The following LRRC4C variants were observed in gnomAD, a reference collection of about 807,000 sequenced individuals.
LRRC4C encodes the protein leucine-rich repeat-containing protein 4C.
Under a neutral mutation model 33.6 loss-of-function variants are expected in LRRC4C, and 5 were observed. The observed-to-expected ratio is 0.15, with a 90% CI of 0.08 to 0.31. LRRC4C has a LOEUF of 0.31. LRRC4C is among the 10% of genes least tolerant of loss of function. The probability of loss-of-function intolerance (pLI) is 1.00; values close to 1 mark genes in which losing one functional copy is unlikely to be tolerated. For synonymous variants in LRRC4C, 329 were observed against 302.0 expected (o/e 1.09, Z -0.93); for missense variants, 560 against 796.7 (o/e 0.70, Z 3.58).
intron 3 of LRRC4C, among the ~76,000 whole-genome samples, chr11:40,581,895 T>G (rs576297373): frequency 1.4e-3 from 218 of 152,224 alleles, no homozygotes; most frequent in Non-Finnish European, 2.6e-3. Flanking sequence ...AGAGCGAGAC[T>G]CTGTCTCTAA....
chr11:40,731,008 C>T (rs1412444961), intron 2 of LRRC4C, among the ~76,000 whole-genome samples: 1 of 152,022 alleles, frequency 6.6e-6, no homozygotes, highest in African/African-American at 2.4e-5. Context: ...TGAGTTCTCA[C>T]GAGATTTGGT....
chr11:41,197,769 A>G (rs1345922303), intron 1 of LRRC4C, among the ~76,000 whole-genome samples: 4 of 152,146 alleles, frequency 2.6e-5, no homozygotes, highest in Admixed American at 6.6e-5. Context: ...ATAAGGAAAT[A>G]ACATTGTCAT....
At chr11:40,493,685 G>A (rs1954277523) in intron 3 of LRRC4C, among the ~76,000 whole-genome samples, 1 of 152,162 alleles carries the variant, frequency 6.6e-6, no homozygotes, top group Non-Finnish European at 1.5e-5. Flanking sequence ...TCTAATGTAA[G>A]TAGTGAATTA....
intron 2 of LRRC4C, among the ~76,000 whole-genome samples, chr11:40,654,074 G>A (rs976218600): frequency 6.6e-6 from 1 of 152,202 alleles, no homozygotes; most frequent in Non-Finnish European, 1.5e-5. Context: ...TTCAGAGGAT[G>A]TATGGAAATG....
intron 1 of LRRC4C, among the ~76,000 whole-genome samples, chr11:41,428,546 T>C (rs1042219115): frequency 1.3e-5 from 2 of 152,270 alleles, no homozygotes; most frequent in East Asian, 1.9e-4. Context: ...GTTATTATTG[T>C]TGTTAGAACA....
rs372516778 is a variant in LRRC4C at position 41,244,917 on chromosome 11, A to G, written c.-496+214514T>C. ...TCAACGATAATGCTTAGCATTAAAC[A>G]CCTACAACATGACAGGTATTTTGCC... On this transcript the variant is annotated intron_variant, in intron 1 of 6. Transcript: ENST00000528697. Among the ~76,000 whole-genome samples the G allele has an allele frequency of 2.6e-5, 4 of 152,224 alleles. No individual in the cohort carries two copies. In the South Asian group the frequency reaches 6.2e-4, roughly 24 times the overall value.
At chr11:40,472,032 G>A (rs951081508) in intron 3 of LRRC4C, among the ~76,000 whole-genome samples, 5 of 152,002 alleles carry the variant, frequency 3.3e-5, no homozygotes, top group African/African-American at 1.2e-4. Context: ...AAGGTGGCTC[G>A]CACCTGTAAT....
intron 1 of LRRC4C, among the ~76,000 whole-genome samples, chr11:41,329,554 G>A (rs1287714082): frequency 6.6e-6 from 1 of 152,140 alleles, no homozygotes; most frequent in African/African-American, 2.4e-5. Flanking sequence ...CCACATTGTG[G>A]TGTTTTTCAA....
At chr11:40,472,983 A>G (rs983543324) in intron 3 of LRRC4C, among the ~76,000 whole-genome samples, 5 of 152,206 alleles carry the variant, frequency 3.3e-5, no homozygotes, top group African/African-American at 1.2e-4. Flanking sequence ...CAACCAAAAC[A>G]GCCTGGGACC....
chr11:41,368,844 CT>C (rs1952639724), intron 1 of LRRC4C, among the ~76,000 whole-genome samples: 1 of 152,286 alleles, frequency 6.6e-6, no homozygotes, highest in East Asian at 1.9e-4. Flanking sequence ...AGGAGGCATA[CT>C]TTTTTCCCCG....
At chr11:40,242,113 G>C (rs1323704679) in intron 4 of LRRC4C, among the ~76,000 whole-genome samples, 2 of 152,176 alleles carry the variant, frequency 1.3e-5, no homozygotes, top group African/African-American at 2.4e-5. Context: ...AGGAACTCCA[G>C]TCTCCAGCGA....
At chr11:41,222,606 T>C (rs1339373392) in intron 1 of LRRC4C, among the ~76,000 whole-genome samples, 2 of 152,006 alleles carry the variant, frequency 1.3e-5, no homozygotes, top group Non-Finnish European at 2.9e-5. Flanking sequence ...GGGATAGAAG[T>C]CACAATTCTT....
At chr11:40,857,107 T>C (rs976537358) in intron 2 of LRRC4C, among the ~76,000 whole-genome samples, 5 of 152,176 alleles carry the variant, frequency 3.3e-5, no homozygotes, top group Non-Finnish European at 7.3e-5. Flanking sequence ...TACACCAAAT[T>C]TCTCTATTTC....
rs187675415 is a variant in LRRC4C, at chr11:40,709,654, A to G, written c.-406-61376T>C. Among the ~76,000 whole-genome samples, 885 of 152,038 alleles carry G rather than the reference A, an allele frequency of 5.8e-3. 8 individuals are homozygous for G. Among genetic ancestry groups the G allele is most frequent in the African/African-American group, 0.02 (826 of 41,478 alleles). ...CCCTTAATATTTTTTCCTTCATTTC[A>G]AACTTGGTGAATCTGACAATTATGT... On this transcript the variant is annotated intron_variant, in intron 2 of 6. Coordinates refer to ENST00000528697, the MANE Select transcript of LRRC4C (RefSeq NM_001258419.2).
chr11:40,581,672 G>A (rs937027610), intron 3 of LRRC4C, among the ~76,000 whole-genome samples: 3 of 152,188 alleles, frequency 2.0e-5, no homozygotes, highest in African/African-American at 7.2e-5. Context: ...GGTAGGCCGA[G>A]GCGGGCAAAT....
chr11:40,181,724 A>C (rs1034573986), intron 5 of LRRC4C, among the ~76,000 whole-genome samples: 3 of 152,222 alleles, frequency 2.0e-5, no homozygotes, highest in African/African-American at 2.4e-5. Flanking sequence ...TTCTTACCCA[A>C]CCATGAGGAG....
intron 3 of LRRC4C, among the ~76,000 whole-genome samples, chr11:40,542,619 G>A (rs997632789): frequency 5.3e-5 from 8 of 150,384 alleles, no homozygotes; most frequent in East Asian, 3.9e-4. Flanking sequence ...CAAGCCCTGC[G>A]TTCACAGGGG....
chr11:41,115,572 T>A (rs919237765), intron 1 of LRRC4C, among the ~76,000 whole-genome samples: 6 of 152,102 alleles, frequency 3.9e-5, no homozygotes, highest in African/African-American at 1.2e-4. Flanking sequence ...TTGTGTTCAT[T>A]TGCGATGGGA....
At chr11:40,463,263 A>G (rs1182597345) in intron 3 of LRRC4C, among the ~76,000 whole-genome samples, 1 of 151,578 alleles carries the variant, frequency 6.6e-6, no homozygotes. Context: ...ATAGAGGCAT[A>G]GAAGTATTAT....
Sources: gnomAD v4.1 joint callset for allele counts (sites outside exome capture counted in the v4.1 genomes callset) on GRCh38, gnomAD v4.1.1 for gene constraint, MANE v1.5 for transcripts, NCBI Gene and HGNC (gene_info 2026-07-23, HGNC 2026-07-21) for gene names.